MYT1L: variants seen among roughly 807,000 people sequenced by gnomAD.
The protein encoded by MYT1L is myelin transcription factor 1-like protein.
MYT1L carries 12 observed loss-of-function variants against 126.7 expected under a neutral mutation model. The observed-to-expected ratio is 0.09, with a 90% CI of 0.06 to 0.15. The LOEUF (loss-of-function observed/expected upper bound fraction) is 0.15, where lower values mean the gene tolerates loss of function less well. Ranked by LOEUF, MYT1L falls within the 10% of genes least tolerant of loss-of-function variation. MYT1L has a pLI of 1.00. For missense variants in MYT1L, 979 were observed against 1,585.2 expected (o/e 0.62, Z 6.49); for synonymous variants, 541 against 604.2 (o/e 0.90, Z 1.53).
At chr2:2,196,021 G>A (rs2092783455) in intron 2 of MYT1L, among the ~76,000 whole-genome samples, 1 of 152,054 alleles carries the variant, frequency 6.6e-6, no homozygotes, top group Non-Finnish European at 1.5e-5. Flanking sequence ...CATGATGAAA[G>A]GCATTAGCCT....
chr2:1,865,566 T>C (rs1219501102), intron 18 of MYT1L, among the ~76,000 whole-genome samples: 1 of 152,160 alleles, frequency 6.6e-6, no homozygotes, highest in Non-Finnish European at 1.5e-5. Flanking sequence ...GTGCAGAGAA[T>C]TTTAGCTCCC....
intron 2 of MYT1L, among the ~76,000 whole-genome samples, chr2:2,214,049 T>C (rs532827276): frequency 1.3e-5 from 2 of 151,878 alleles, no homozygotes; most frequent in Non-Finnish European, 3.0e-5. Context: ...GAGATGAAAA[T>C]GCACTGTACA....
chr2:2,215,802 T>A (rs2093658588), intron 2 of MYT1L, among the ~76,000 whole-genome samples: 1 of 152,182 alleles, frequency 6.6e-6, no homozygotes, highest in Non-Finnish European at 1.5e-5. Flanking sequence ...AAATCTCACG[T>A]TGAATTGCAT....
Position 2,093,534 on chromosome 2 carries a change from GTTGT to G in MYT1L, c.-303-39415_-303-39412del, listed in dbSNP as rs1005314560. 1.4e-3 allele frequency among the ~76,000 whole-genome samples: 211 copies of G among 152,202 alleles called. 1 individual carries two copies. The highest frequency in any genetic ancestry group is 4.2e-3 in the African/African-American group (175 of 41,528). The stretch of plus-strand genomic sequence containing the variant: ...TATCCTTTGCCCACTTGTTGATGGG[GTTGT>G]TTGTTTTTTTCTTGTAAATTTGTTT... On this transcript the variant is annotated intron_variant, in intron 3 of 24. Transcript: ENST00000647738.
In MYT1L at chr2:2,133,592, A is replaced by T. The variant is rs73913208; in HGVS notation, c.-304+39280T>A. Among the ~76,000 whole-genome samples the T allele has an allele frequency of 5.8e-3, 888 of 152,340 alleles. 11 individuals are homozygous for T. Among genetic ancestry groups the T allele is most frequent in the African/African-American group, 0.021 (869 of 41,578 alleles). The stretch of plus-strand genomic sequence containing the variant: ...ATGAAGGCAAAATATTTTTATTCTT[A>T]TCTTTAACATGCTTAATTTTAAAAG... On this transcript the variant is annotated intron_variant, in intron 3 of 24. Coordinates refer to ENST00000647738, the MANE Select transcript of MYT1L (RefSeq NM_001303052.2).
Position 2,328,082 on chromosome 2 carries a change from T to G in MYT1L, c.-521+2885A>C, listed in dbSNP as rs116119440. On this transcript the variant is annotated intron_variant, in intron 1 of 24. Coordinates refer to ENST00000647738, the MANE Select transcript of MYT1L (RefSeq NM_001303052.2). ...GTAATTGGCTTTTAAAAATTATAAA[T>G]GTAAAGTATTTATAAAAGCAGCTGA... is the stretch of plus-strand genomic sequence containing the variant. Among the ~76,000 whole-genome samples the G allele has an allele frequency of 5.0e-3, 767 of 152,310 alleles. 8 individuals are homozygous for G. Among genetic ancestry groups the G allele is most frequent in the African/African-American group, 0.018 (733 of 41,580 alleles).
At chr2:2,299,731 C>T (rs186775635) in intron 1 of MYT1L, among the ~76,000 whole-genome samples, 9 of 152,286 alleles carry the variant, frequency 5.9e-5, no homozygotes, top group Non-Finnish European at 8.8e-5. Context: ...ACTGATCCAT[C>T]CTTAAAAATG....
chr2:1,985,861 G>A (rs1560622), intron 5 of MYT1L, among the ~76,000 whole-genome samples: 29,353 of 152,156 alleles, frequency 0.19, 4,239 homozygotes, highest in African/African-American at 0.41. Flanking sequence ...ATTCGAGCAC[G>A]GCACCAAGGA....
chr2:1,800,820 G>A (rs1351054785), intron 23 of MYT1L, among the ~76,000 whole-genome samples: 2 of 152,012 alleles, frequency 1.3e-5, no homozygotes, highest in African/African-American at 4.8e-5. Flanking sequence ...CCAGCAAACC[G>A]AGCAACCTTC....
intron 4 of MYT1L, among the ~76,000 whole-genome samples, chr2:1,999,642 TTAAAA>T (rs1383175617): frequency 2.0e-5 from 3 of 152,190 alleles, no homozygotes; most frequent in Admixed American, 6.5e-5. Context: ...ACATAATCTA[TTAAAA>T]TAAAAAAAAT....
chr2:1,850,346 T>G (rs1043062513), intron 19 of MYT1L, among the ~76,000 whole-genome samples: 1 of 151,994 alleles, frequency 6.6e-6, no homozygotes, highest in African/African-American at 2.4e-5. Context: ...AAGCTAAAAT[T>G]TAGAGAGCTG....
At chr2:2,006,758 T>C (rs551796512) in intron 4 of MYT1L, among the ~76,000 whole-genome samples, 19 of 152,048 alleles carry the variant, frequency 1.2e-4, no homozygotes, top group African/African-American at 4.6e-4. Context: ...GTATTTTTAG[T>C]AGAGACGGGG....
chr2:1,952,797 T>C (rs1261465408), intron 8 of MYT1L, among the ~76,000 whole-genome samples: 1 of 8,170 alleles, frequency 1.2e-4, no homozygotes, highest in Non-Finnish European at 2.2e-4. Context: ...CCTTCCCTCC[T>C]TCTCTCCCTC....
chr2:1,843,984 G>A (rs558519269), intron 19 of MYT1L, among the ~76,000 whole-genome samples: 21 of 152,232 alleles, frequency 1.4e-4, no homozygotes, highest in African/African-American at 4.6e-4. Flanking sequence ...TGGGGCTCAG[G>A]AGCTCTCATC....
At chr2:2,112,114 G>C (rs1267963829) in intron 3 of MYT1L, among the ~76,000 whole-genome samples, 1 of 152,190 alleles carries the variant, frequency 6.6e-6, no homozygotes, top group African/African-American at 2.4e-5. Flanking sequence ...TGTTTGCCCT[G>C]TCTGGGACCT....
chr2:2,014,683 A>C (rs1287388870), intron 4 of MYT1L, among the ~76,000 whole-genome samples: 1 of 152,252 alleles, frequency 6.6e-6, no homozygotes, highest in Admixed American at 6.5e-5. Flanking sequence ...ACAGAAGCAA[A>C]GAAATGAATG....
chr2:2,299,597 T>C (rs1415099807), intron 1 of MYT1L, among the ~76,000 whole-genome samples: 1 of 152,218 alleles, frequency 6.6e-6, no homozygotes, highest in Non-Finnish European at 1.5e-5. Flanking sequence ...CCTTTCTCAG[T>C]GCTTACTAAG....
chr2:2,143,095 C>T (rs1212306846), intron 3 of MYT1L, among the ~76,000 whole-genome samples: 4 of 151,226 alleles, frequency 2.6e-5, no homozygotes, highest in Admixed American at 1.3e-4. Flanking sequence ...TTGAGACCAT[C>T]CTGGCTAACA....
At chr2:2,171,308 G>C (rs2090019834) in intron 3 of MYT1L, among the ~76,000 whole-genome samples, 1 of 152,092 alleles carries the variant, frequency 6.6e-6, no homozygotes, top group Admixed American at 6.6e-5. Flanking sequence ...TTCTCCTTGT[G>C]GTTTCATTTA....
Sources: allele counts gnomAD v4.1 joint callset (sites outside exome capture counted in the v4.1 genomes callset), GRCh38; gene constraint gnomAD v4.1.1; transcripts MANE v1.5; gene names NCBI Gene and HGNC (gene_info 2026-07-23, HGNC 2026-07-21).